CDHR3: variants seen among roughly 807,000 people sequenced by gnomAD.
CDHR3 encodes cadherin-related family member 3.
A neutral mutation model predicts 86.6 loss-of-function variants in CDHR3; 79 were observed. The ratio of observed to expected loss-of-function variants is 0.91; its 90% CI spans 0.76 to 1.10. CDHR3 has a LOEUF of 1.10. Ranked by LOEUF, CDHR3 falls within the 50% of genes least tolerant of loss-of-function variation. CDHR3 has a pLI of 0.00. For synonymous variants in CDHR3, 421 were observed against 402.4 expected (o/e 1.05, Z -0.55); for missense variants, 1,081 against 1,077.6 (o/e 1.00, Z -0.04).
chr7:106,024,348 T>G (rs780259983), intron 14 of CDHR3, 33 bp from the exon 15 acceptor site: 1 of 1,601,226 alleles, frequency 6.2e-7, no homozygotes, highest in East Asian at 2.2e-5. Context: ...ACTACCACCC[T>G]CTACTCACCC....
chr7:106,015,139 C>T lies in CDHR3; in HGVS notation c.1253C>T (p.Pro418Leu), dbSNP rs1223750239. 6.2e-7 allele frequency: 1 copy of T among 1,610,006 alleles called. No individual in the cohort carries two copies. The highest frequency in any genetic ancestry group is 8.5e-7 in the Non-Finnish European group (1 of 1,178,226). Residue 418 changes from proline (P) to leucine (L), a missense_variant, in exon 10 of 19, where the codon CCA (proline) becomes CTA (leucine). By Grantham distance (98) the Pro-to-Leu change is moderately conservative (BLOSUM62 -3). Coordinates refer to ENST00000317716, the MANE Select transcript of CDHR3 (RefSeq NM_152750.5). ...ATTGGTGATCTAGACTACGAAAATC[C>T]AAGTAACCTAGCAGCCGGCAATAAA... ...VLIGDLDYENPSNLAAGNKYT... is the reference protein window; with the variant it reads ...VLIGDLDYENLSNLAAGNKYT...
At chr7:105,969,075 G>A (rs1298363479) in intron 1 of CDHR3, among the ~76,000 whole-genome samples, 6 of 145,054 alleles carry the variant, frequency 4.1e-5, no homozygotes, top group South Asian at 2.3e-4. Context: ...GGGACAGAGC[G>A]AGACTCCGTC....
Position 106,030,918 on chromosome 7 carries a change from T to C in CDHR3, c.2353+78T>C. The C allele has an allele frequency of 2.2e-6, 3 of 1,384,062 alleles. No homozygotes were observed. Among genetic ancestry groups the C allele is most frequent in the Non-Finnish European group, 3.0e-6 (3 of 992,478 alleles). The allele number at this position is 1,384,062 out of a possible 1,614,324, so 85.7% of individuals were successfully genotyped here. Reference sequence around the variant, plus strand: ...AGAAGCATGGAGGATCTTATCCAATTTCCTGCTTTTAGCTCATTTTGTCAA... The same window carrying C: ...AGAAGCATGGAGGATCTTATCCAATCTCCTGCTTTTAGCTCATTTTGTCAA... On this transcript the variant is annotated intron_variant, in intron 18 of 18. Transcript: ENST00000317716. The surrounding 1 kb of genome is among the most constrained non-coding windows in gnomAD (Gnocchi z 4.8).
Position 105,994,776 on chromosome 7 carries a change from G to A in CDHR3, c.539G>A (p.Ser180Asn). The A allele has an allele frequency of 6.2e-7, 1 of 1,612,394 alleles. No individual in the cohort carries two copies. The highest frequency in any genetic ancestry group is 8.5e-7 in the Non-Finnish European group (1 of 1,179,232). Reference sequence around the variant, plus strand: ...TATTTCCTGATTTCTCCCCCAAAGAGCTTCAGAATGTCTGCTAATGGCACC... The same window carrying A: ...TATTTCCTGATTTCTCCCCCAAAGAACTTCAGAATGTCTGCTAATGGCACC... ...LSYFLISPPK[S>N]FRMSANGTLF... Residue 180 changes from serine to asparagine, a missense_variant, in exon 5 of 19, where the codon AGC becomes AAC. Transcript: ENST00000317716.
intron 4 of CDHR3, among the ~76,000 whole-genome samples, chr7:105,986,211 C>G (rs917902307): frequency 9.2e-5 from 14 of 152,250 alleles, no homozygotes; most frequent in African/African-American, 3.4e-4. Flanking sequence ...CTGGCCAGAA[C>G]TGTGCCCTAT....
chr7:105,984,283 C>T lies in CDHR3; in HGVS notation c.507C>T (p.Pro169=). 1.9e-6 allele frequency: 3 copies of T among 1,609,296 alleles called. No individual in the cohort carries two copies. Among genetic ancestry groups the T allele is most frequent in the Non-Finnish European group, 1.7e-6 (2 of 1,176,816 alleles). ...FDPEDTSRNI[P]LSYFLISPPK... is the part of the protein sequence containing the mutation. ...CAGAAGACACAAGCCGAAACATTCC[C>T]CTCAGTGTAAGTGTCCTTATATGGA... The change falls in exon 4 of 19, where the codon CCC becomes CCT. Residue 169 remains proline, a synonymous_variant. Transcript: ENST00000317716.
At chr7:105,974,504 G>A (rs1008516549) in intron 1 of CDHR3, among the ~76,000 whole-genome samples, 1 of 127,414 alleles carries the variant, frequency 7.8e-6, no homozygotes, top group African/African-American at 2.7e-5. Flanking sequence ...TCTTTAGGCG[G>A]ATGTCTGTCT....
chr7:106,012,997 T>A lies in CDHR3; in HGVS notation c.1190T>A (p.Phe397Tyr), dbSNP rs1341128087. 6.2e-7 allele frequency: 1 copy of A among 1,611,332 alleles called. No individual in the cohort carries two copies. The highest frequency in any genetic ancestry group is 8.5e-7 in the Non-Finnish European group (1 of 1,178,890). ...TCTGGAGTGGGGAGCGGCAGCAGAT[T>A]TTTACAGGATCCAGCTGGCTCTGGG... is the stretch of plus-strand genomic sequence containing the variant. ...MPSGVGSGSR[F>Y]LQDPAGSGKI... is the part of the protein sequence containing the mutation. The change falls in exon 9 of 19, where the codon TTT becomes TAT. Residue 397 changes from phenylalanine to tyrosine, a missense_variant. Physicochemically the swap from Phe to Tyr is conservative, Grantham distance 22. Transcript: ENST00000317716.
At chr7:105,977,922 C>T (rs375951627) in intron 2 of CDHR3, among the ~76,000 whole-genome samples, 2 of 152,302 alleles carry the variant, frequency 1.3e-5, no homozygotes, top group South Asian at 2.1e-4. Flanking sequence ...GAGGAGGATG[C>T]TAACATTTCA....
chr7:106,005,257 A>G (rs1833793678), intron 8 of CDHR3, among the ~76,000 whole-genome samples: 3 of 152,272 alleles, frequency 2.0e-5, no homozygotes, highest in South Asian at 4.1e-4. Context: ...CAAGTGGGAT[A>G]CAAGTGATCT....
At chr7:106,022,953 T>G (rs1031369319) in intron 14 of CDHR3, among the ~76,000 whole-genome samples, 2 of 152,176 alleles carry the variant, frequency 1.3e-5, no homozygotes, top group Non-Finnish European at 2.9e-5. Flanking sequence ...ATTCATCCAA[T>G]CTACAAATAT....
At chr7:106,028,439 C>A in intron 16 of CDHR3, 112 bp from the exon 17 acceptor site, 2 of 1,164,886 alleles carry the variant, frequency 1.7e-6, no homozygotes, top group South Asian at 1.3e-5. Flanking sequence ...TTTGCTGTGT[C>A]TGCAAGACTG....
intron 8 of CDHR3, among the ~76,000 whole-genome samples, chr7:106,011,978 C>T (rs1335335664): frequency 6.6e-6 from 1 of 152,222 alleles, no homozygotes; most frequent in Non-Finnish European, 1.5e-5. Context: ...TCAAGGAATT[C>T]TCAATCTTCA....
chr7:106,028,297 AAGCT>A, intron 16 of CDHR3: 1 of 492,522 alleles, frequency 2.0e-6, no homozygotes, highest in Non-Finnish European at 3.7e-6. Context: ...CACTGATAAT[AAGCT>A]AGAAAAAGAA....
In CDHR3 at chr7:105,974,888, G is replaced by A; in HGVS notation, c.91G>A (p.Val31Met). 1.2e-6 allele frequency: 2 copies of A among 1,613,804 alleles called. No homozygotes were observed. The highest frequency in any genetic ancestry group is 1.7e-6 in the Non-Finnish European group (2 of 1,179,754). The change falls in exon 2 of 19, where the codon GTG becomes ATG. Residue 31 changes from valine (V) to methionine (M), a missense_variant. By Grantham distance (21) the Val-to-Met change is conservative (BLOSUM62 1). Coordinates refer to ENST00000317716, the MANE Select transcript of CDHR3 (RefSeq NM_152750.5). The stretch of plus-strand genomic sequence containing the variant: ...AATCCTCTTACCTGCTACAGGCAAT[G>A]TGGCAGAGAATTCTCCACCTGGGAC... ...HLILLPATGN[V>M]AENSPPGTSV...
At chr7:105,990,336 G>A (rs757429197) in intron 4 of CDHR3, among the ~76,000 whole-genome samples, 4 of 152,164 alleles carry the variant, frequency 2.6e-5, no homozygotes. Flanking sequence ...CAGGAGCCAC[G>A]TTAAGGACTT....
chr7:106,016,145 C>T, intron 11 of CDHR3, 120 bp downstream of exon 11: 1 of 634,174 alleles, frequency 1.6e-6, no homozygotes, highest in South Asian at 1.9e-5. Context: ...CAGTGATTCA[C>T]AGCTGATTAG....
At chr7:106,012,765 A>C (rs1835010648) in intron 8 of CDHR3, 95 bp from the exon 9 acceptor site, 1 of 1,300,968 alleles carries the variant, frequency 7.7e-7, no homozygotes, top group African/African-American at 1.5e-5. Context: ...TTTGAATTGC[A>C]GTTAAAGTAG....
intron 4 of CDHR3, among the ~76,000 whole-genome samples, chr7:105,986,861 G>C (rs1830603833): frequency 6.6e-6 from 1 of 152,034 alleles, no homozygotes; most frequent in Non-Finnish European, 1.5e-5. Context: ...TGGGCTTCCT[G>C]CTTCTGAGAA....
Sources: gnomAD v4.1 joint callset for allele counts (sites outside exome capture counted in the v4.1 genomes callset) on GRCh38, gnomAD v4.1.1 for gene constraint, Gnocchi (gnomAD v3.1) non-coding constraint, MANE v1.5 for transcripts, NCBI Gene and HGNC (gene_info 2026-07-23, HGNC 2026-07-21) for gene names.